Variants in MSH4 observed in about 807,000 individuals in gnomAD.
The protein encoded by MSH4 is mutS protein homolog 4.
In MSH4, 106 loss-of-function variants were observed where a neutral mutation model predicts 113.7. The observed-to-expected ratio is 0.93, with a 90% confidence interval of 0.80 to 1.10. MSH4 has a LOEUF of 1.10. MSH4 is among the 50% of genes least tolerant of loss of function. The probability of loss-of-function intolerance (pLI) is 0.00; values close to 1 mark genes in which losing one functional copy is unlikely to be tolerated. For missense variants in MSH4, 1,061 were observed against 1,093.7 expected, an observed-to-expected ratio of 0.97 and a Z score of 0.42; for synonymous variants, 368 against 380.2, an observed-to-expected ratio of 0.97 and a Z score of 0.37.
chr1:75,801,998 A>G (rs997635535), intron 1 of MSH4, among the ~76,000 whole-genome samples: 1 of 151,854 alleles, frequency 6.6e-6, no homozygotes, highest in African/African-American at 2.4e-5. Flanking sequence ...GCAAAACCCC[A>G]TCTCTACAAA....
intron 7 of MSH4, among the ~76,000 whole-genome samples, chr1:75,841,816 A>C (rs1468630363): frequency 6.6e-6 from 1 of 152,238 alleles, no homozygotes; most frequent in African/African-American, 2.4e-5. Flanking sequence ...ATAGAATCAC[A>C]TGTAAAATGT....
At chr1:75,821,953 A>C (rs2100520084) in intron 6 of MSH4, among the ~76,000 whole-genome samples, 1 of 152,262 alleles carries the variant, frequency 6.6e-6, no homozygotes, top group South Asian at 2.1e-4. Context: ...CTACTGAATT[A>C]GAAATTTATG....
intron 4 of MSH4, 102 bp from the exon 5 acceptor site, chr1:75,814,919 A>G (rs753614835): frequency 7.4e-5 from 48 of 647,632 alleles, no homozygotes; most frequent in Non-Finnish European, 1.2e-4. Flanking sequence ...TGAAATTTTT[A>G]TACAATATTT....
chr1:75,806,370 C>T (rs1422028181), intron 2 of MSH4, among the ~76,000 whole-genome samples: 1 of 150,130 alleles, frequency 6.7e-6, no homozygotes, highest in Non-Finnish European at 1.5e-5. Flanking sequence ...GCCTCAGCCT[C>T]TCGAGTAGCT....
chr1:75,811,588 T>C (rs1277309332), intron 4 of MSH4, among the ~76,000 whole-genome samples: 2 of 152,204 alleles, frequency 1.3e-5, no homozygotes, highest in African/African-American at 4.8e-5. Flanking sequence ...CCTGATAACA[T>C]GTACTGCCTT....
intron 12 of MSH4, among the ~76,000 whole-genome samples, chr1:75,879,423 C>G (rs929330692): frequency 6.6e-6 from 1 of 152,164 alleles, no homozygotes; most frequent in Non-Finnish European, 1.5e-5. Context: ...AAATACCACA[C>G]CATTTGCCTG....
chr1:75,873,834 G>T lies in MSH4; in HGVS notation c.1306-3102G>T, dbSNP rs1439164890. Among the ~76,000 whole-genome samples, 3 of 152,158 alleles carry T rather than the reference G, an allele frequency of 2.0e-5. No homozygotes were observed. The East Asian group carries it at 5.8e-4, about 29-fold the overall frequency. On this transcript the variant is annotated intron_variant, in intron 9 of 19. Coordinates refer to ENST00000263187, the MANE Select transcript of MSH4 (RefSeq NM_002440.4). ...CCAATCTGTCACTCACGGGTATTTG[G>T]TTGATTCCATGTCTTTGCTATATTG...
intron 7 of MSH4, among the ~76,000 whole-genome samples, chr1:75,827,203 G>T (rs953992915): frequency 6.6e-6 from 1 of 152,042 alleles, no homozygotes; most frequent in Non-Finnish European, 1.5e-5. Flanking sequence ...TTAAAGAAAA[G>T]AATTTTTAAC....
intron 13 of MSH4, 134 bp from the exon 14 acceptor site, chr1:75,881,112 G>C: frequency 1.6e-6 from 1 of 621,394 alleles, no homozygotes; most frequent in Non-Finnish European, 2.5e-6. Context: ...TGAACAATAG[G>C]CTTTATCTAT....
chr1:75,832,602 T>G (rs1650726625), intron 7 of MSH4, among the ~76,000 whole-genome samples: 2 of 152,274 alleles, frequency 1.3e-5, no homozygotes, highest in African/African-American at 4.8e-5. Flanking sequence ...CAAGGCGGCT[T>G]TCTCCCTGGG....
intron 9 of MSH4, among the ~76,000 whole-genome samples, chr1:75,870,577 C>G (rs1570978782): frequency 6.6e-6 from 1 of 152,244 alleles, no homozygotes; most frequent in South Asian, 2.1e-4. Flanking sequence ...GTGAATAAGT[C>G]TCACGAGATC....
intron 14 of MSH4, among the ~76,000 whole-genome samples, chr1:75,883,346 A>C (rs1651977232): frequency 6.6e-6 from 1 of 151,632 alleles, no homozygotes. Flanking sequence ...AAAAAGCTGA[A>C]AATTTTATAA....
intron 19 of MSH4, among the ~76,000 whole-genome samples, chr1:75,907,415 T>C (rs1652683841): frequency 6.6e-6 from 1 of 151,972 alleles, no homozygotes; most frequent in Non-Finnish European, 1.5e-5. Context: ...GCTTCTTTTC[T>C]CTTGCTGCTT....
At chr1:75,859,132 C>G (rs993813915) in intron 8 of MSH4, among the ~76,000 whole-genome samples, 13 of 151,954 alleles carry the variant, frequency 8.6e-5, no homozygotes, top group African/African-American at 3.1e-4. Context: ...TTTTTTATTG[C>G]GTCTATTTGA....
In MSH4 at chr1:75,881,261, G is replaced by T. The variant is rs761438898; in HGVS notation, c.1797G>T (p.Leu599=). The part of the protein sequence containing the change: ...YHMTYMIVCK[L]LSEIYEHIHC... ...GTGTTTTCAGGATAGTGTGCAAACT[G>T]CTTAGTGAGATTTATGAACATATTC... Residue 599 remains leucine (L), a synonymous_variant, in exon 14 of 20, where the codon CTG becomes CTT. Transcript: ENST00000263187. The T allele has an allele frequency of 6.2e-6, 10 of 1,605,636 alleles. No individual in the cohort carries two copies. The highest frequency in any genetic ancestry group is 8.5e-6 in the Non-Finnish European group (10 of 1,174,148).
At chr1:75,908,455 T>C (rs1307800276) in intron 19 of MSH4, among the ~76,000 whole-genome samples, 1 of 152,192 alleles carries the variant, frequency 6.6e-6, no homozygotes, top group African/African-American at 2.4e-5. Flanking sequence ...CAAACTTTAA[T>C]CTCTTTATTA....
chr1:75,911,241 C>T (rs17097681), intron 19 of MSH4, among the ~76,000 whole-genome samples: 11,616 of 152,046 alleles, frequency 0.076, 717 homozygotes, highest in East Asian at 0.27. Context: ...TAATATCACT[C>T]GGTTTCACGT....
At chr1:75,890,640 G>T in intron 16 of MSH4, 56 bp from the exon 17 acceptor site, 2 of 917,544 alleles carry the variant, frequency 2.2e-6, no homozygotes, top group Non-Finnish European at 3.1e-6. Flanking sequence ...ATTTTTTCCT[G>T]TGATATTGAC....
intron 9 of MSH4, among the ~76,000 whole-genome samples, chr1:75,868,801 A>G (rs1651646234): frequency 1.3e-5 from 2 of 152,156 alleles, no homozygotes; most frequent in Admixed American, 1.3e-4. Flanking sequence ...TTTGCTCCTG[A>G]TTTACCTTCT....
Sources: allele counts gnomAD v4.1 joint callset (sites outside exome capture counted in the v4.1 genomes callset), GRCh38; gene constraint gnomAD v4.1.1; transcripts MANE v1.5; gene names NCBI Gene and HGNC (gene_info 2026-07-23, HGNC 2026-07-21).